The following LRRC4C variants were observed in gnomAD, a reference collection of about 807,000 sequenced individuals.
The protein encoded by LRRC4C is leucine-rich repeat-containing protein 4C.
Under a neutral mutation model 33.6 loss-of-function variants are expected in LRRC4C, and 5 were observed. That is an observed-to-expected ratio of 0.15 (90% CI 0.08 to 0.31). LRRC4C has a LOEUF of 0.31. LRRC4C is among the 10% of genes least tolerant of loss of function. The pLI is 1.00. For synonymous variants in LRRC4C, 329 were observed against 302.0 expected, an observed-to-expected ratio of 1.09 and a Z score of -0.93; for missense variants, 560 against 796.7, an observed-to-expected ratio of 0.70 and a Z score of 3.58.
intron 3 of LRRC4C, among the ~76,000 whole-genome samples, chr11:40,499,667 T>C (rs1320016059): frequency 6.6e-6 from 1 of 152,196 alleles, no homozygotes; most frequent in Non-Finnish European, 1.5e-5. Context: ...GTAACTGAGA[T>C]GATAATCTCT....
chr11:41,033,948 C>T (rs1042369732), intron 1 of LRRC4C, among the ~76,000 whole-genome samples: 20 of 151,754 alleles, frequency 1.3e-4, no homozygotes, highest in African/African-American at 2.9e-4. Context: ...TTAAGAATGA[C>T]AAAAAATAAA....
At chr11:40,323,718 A>G (rs1479674130) in intron 3 of LRRC4C, among the ~76,000 whole-genome samples, 1 of 152,204 alleles carries the variant, frequency 6.6e-6, no homozygotes, top group Non-Finnish European at 1.5e-5. Flanking sequence ...TAGAGCACCT[A>G]TTCTGGACAG....
intron 1 of LRRC4C, among the ~76,000 whole-genome samples, chr11:41,124,949 A>G (rs10837576): frequency 0.67 from 101,868 of 152,056 alleles, 35,459 homozygotes; most frequent in East Asian, 0.91. Context: ...CCCCATCAGG[A>G]ATATGAGAAG....
intron 3 of LRRC4C, among the ~76,000 whole-genome samples, chr11:40,485,208 A>G (rs992207682): frequency 2.6e-5 from 4 of 151,136 alleles, no homozygotes; most frequent in African/African-American, 9.7e-5. Context: ...ATAATTGACT[A>G]TACTTCATTT....
chr11:40,763,410 CT>C (rs766506551), intron 2 of LRRC4C, among the ~76,000 whole-genome samples: 14 of 152,046 alleles, frequency 9.2e-5, no homozygotes, highest in Admixed American at 2.6e-4. Context: ...CTGAATAGAA[CT>C]TTCTAGTGAT....
chr11:40,204,118 G>A (rs897642088), intron 5 of LRRC4C, among the ~76,000 whole-genome samples: 6 of 151,934 alleles, frequency 3.9e-5, no homozygotes, highest in Non-Finnish European at 8.8e-5. Flanking sequence ...GGTGGGGGGC[G>A]GTCTCACCAT....
intron 3 of LRRC4C, among the ~76,000 whole-genome samples, chr11:40,645,601 G>GA (rs59496617): frequency 5.3e-4 from 80 of 152,066 alleles, no homozygotes; most frequent in African/African-American, 1.8e-3. Flanking sequence ...AATTCAGGAA[G>GA]AAAAAAACCT....
intron 6 of LRRC4C, among the ~76,000 whole-genome samples, chr11:40,118,533 G>A (rs181749453): frequency 2.0e-3 from 301 of 152,142 alleles, no homozygotes; most frequent in Non-Finnish European, 3.2e-3. Flanking sequence ...AATCTATGCC[G>A]GAAAACCAAG....
intron 1 of LRRC4C, among the ~76,000 whole-genome samples, chr11:41,429,002 G>A (rs1814069): frequency 0.64 from 96,640 of 151,952 alleles, 31,358 homozygotes; most frequent in African/African-American, 0.74. Context: ...TGTGTCCCCA[G>A]TCAAATCTCA....
At chr11:40,500,271 G>GAT (rs377169790) in intron 3 of LRRC4C, among the ~76,000 whole-genome samples, 10,618 of 104,460 alleles carry the variant, frequency 0.1, 932 homozygotes, top group South Asian at 0.17. Context: ...CCTAATGTCT[G>GAT]ATATATATAT....
chr11:40,463,651 T>G (rs911588170), intron 3 of LRRC4C, among the ~76,000 whole-genome samples: 1 of 152,108 alleles, frequency 6.6e-6, no homozygotes, highest in East Asian at 1.9e-4. Context: ...TATTCTAACA[T>G]ATGCATTATG....
chr11:40,328,093 G>T (rs902011620), intron 3 of LRRC4C, among the ~76,000 whole-genome samples: 1 of 151,976 alleles, frequency 6.6e-6, no homozygotes, highest in African/African-American at 2.4e-5. Flanking sequence ...TATTTTAAAA[G>T]AATTTGGTTT....
intron 3 of LRRC4C, among the ~76,000 whole-genome samples, chr11:40,580,147 C>T (rs1443386966): frequency 6.6e-6 from 1 of 151,088 alleles, no homozygotes; most frequent in East Asian, 1.9e-4. Flanking sequence ...TTTCACACTG[C>T]TATAAAGAAA....
At chr11:41,035,397 C>G (rs1052935616) in intron 1 of LRRC4C, among the ~76,000 whole-genome samples, 2 of 152,028 alleles carry the variant, frequency 1.3e-5, no homozygotes, top group Non-Finnish European at 2.9e-5. Flanking sequence ...TCCTACTCAA[C>G]AGGCCCCAAT....
chr11:41,194,079 A>G (rs1946079848), intron 1 of LRRC4C, among the ~76,000 whole-genome samples: 1 of 152,100 alleles, frequency 6.6e-6, no homozygotes, highest in African/African-American at 2.4e-5. Flanking sequence ...AAAGACCTTT[A>G]TAATGATTCA....
At chr11:40,246,690 C>T (rs1866366463) in intron 4 of LRRC4C, among the ~76,000 whole-genome samples, 1 of 151,662 alleles carries the variant, frequency 6.6e-6, no homozygotes, top group African/African-American at 2.4e-5. Context: ...CATTCTATAC[C>T]CATGAGGTTA....
rs185684274 is a variant in LRRC4C, at chr11:40,496,381, T to C, written c.-270+151761A>G. The stretch of plus-strand genomic sequence containing the variant: ...AGTGATATTTTGATACACTTGTACA[T>C]TGTGAAAGGATTACCACAATCAAAC... On this transcript the variant is annotated intron_variant, in intron 3 of 6. Coordinates refer to ENST00000528697, the MANE Select transcript of LRRC4C (RefSeq NM_001258419.2). Among the ~76,000 whole-genome samples, 236 of 152,292 alleles carry C rather than the reference T, an allele frequency of 1.5e-3. 1 individual carries two copies. The highest frequency in any genetic ancestry group is 5.4e-3 in the African/African-American group (223 of 41,550).
At chr11:40,525,703 T>C (rs1175025248) in intron 3 of LRRC4C, among the ~76,000 whole-genome samples, 3 of 150,994 alleles carry the variant, frequency 2.0e-5, no homozygotes, top group Non-Finnish European at 4.4e-5. Flanking sequence ...TCAATAAAAA[T>C]CCAAACAAAA....
chr11:40,742,504 A>AC (rs1440198478), intron 2 of LRRC4C, among the ~76,000 whole-genome samples: 1 of 152,030 alleles, frequency 6.6e-6, no homozygotes, highest in Non-Finnish European at 1.5e-5. Flanking sequence ...AGATGTTAAA[A>AC]ATGTCATAAA....
Sources: gnomAD v4.1 joint callset for allele counts (sites outside exome capture counted in the v4.1 genomes callset) on GRCh38, gnomAD v4.1.1 for gene constraint, MANE v1.5 for transcripts, NCBI Gene and HGNC (gene_info 2026-07-23, HGNC 2026-07-21) for gene names.